The following TMPRSS15 variants were observed in gnomAD, a reference collection of about 807,000 sequenced individuals.
The protein encoded by TMPRSS15 is enteropeptidase.
In TMPRSS15, 128 loss-of-function variants were observed where a neutral mutation model predicts 125.3. The ratio of observed to expected loss-of-function variants is 1.02; its 90% CI spans 0.89 to 1.18. The LOEUF is 1.18. TMPRSS15 is among the 50% of genes most tolerant of loss of function. The pLI, the probability that TMPRSS15 is intolerant of heterozygous loss-of-function variation, is 0.00. For missense variants in TMPRSS15, 1,283 were observed against 1,212.7 expected (o/e 1.06, Z -0.86); for synonymous variants, 446 against 423.2 (o/e 1.05, Z -0.66).
At chr21:18,451,677 T>G (rs1978341658) in intron 1 of TMPRSS15, among the ~76,000 whole-genome samples, 1 of 152,214 alleles carries the variant, frequency 6.6e-6, no homozygotes, top group South Asian at 2.1e-4. Flanking sequence ...TATGCTTTTT[T>G]GGACAGCTAA....
At chr21:18,386,366 C>A (rs2075943953) in intron 3 of TMPRSS15, among the ~76,000 whole-genome samples, 1 of 152,076 alleles carries the variant, frequency 6.6e-6, no homozygotes, top group South Asian at 2.1e-4. Context: ...TTTATCAATT[C>A]TATTCTGAAC....
At chr21:18,425,001 A>C (rs2076199766) in intron 1 of TMPRSS15, among the ~76,000 whole-genome samples, 1 of 150,110 alleles carries the variant, frequency 6.7e-6, no homozygotes, top group Non-Finnish European at 1.5e-5. Context: ...GAATATATGA[A>C]TACATATGAA....
chr21:18,356,944 T>C (rs562581697), intron 8 of TMPRSS15, among the ~76,000 whole-genome samples: 24 of 151,904 alleles, frequency 1.6e-4, no homozygotes, highest in Admixed American at 5.9e-4. Flanking sequence ...AAATATATTG[T>C]CAGCAGTCCT....
At position 18,403,575 on chromosome 21, in the gene TMPRSS15, G is replaced by C; in HGVS notation, c.48C>G (p.Ser16=). ...GISSRHHSLS[S]YEIMFAALFA... ...AGAGAGCTGCAAACATGATTTCATAGGAGCTGAGAGAATGATGCCTAGAAG... is the reference window on the plus strand; with the variant it reads ...AGAGAGCTGCAAACATGATTTCATACGAGCTGAGAGAATGATGCCTAGAAG... Residue 16 remains serine, a synonymous_variant, in exon 1 of 25, where the codon TCC becomes TCG. Transcript: ENST00000284885. 3.7e-6 allele frequency: 6 copies of C among 1,614,176 alleles called. No homozygotes were observed. Among genetic ancestry groups the C allele is most frequent in the Non-Finnish European group, 5.1e-6 (6 of 1,180,010 alleles).
chr21:18,485,818 G>C (rs1408634181), exon 1 of TMPRSS15: 2 of 159,586 alleles, frequency 1.3e-5, no homozygotes, highest in Admixed American at 6.5e-5. Context: ...TGGCTGGAGA[G>C]GCCTCACAAT....
chr21:18,298,775 AC>A (rs1421539039), intron 18 of TMPRSS15, among the ~76,000 whole-genome samples: 36 of 152,164 alleles, frequency 2.4e-4, no homozygotes, highest in Admixed American at 2.2e-3. Context: ...TGATGGACCC[AC>A]CCATTGCCTC....
At chr21:18,451,144 A>G (rs1978334025) in intron 1 of TMPRSS15, among the ~76,000 whole-genome samples, 1 of 152,094 alleles carries the variant, frequency 6.6e-6, no homozygotes, top group African/African-American at 2.4e-5. Context: ...TTATTGTAAT[A>G]CAGTTCTTCA....
At chr21:18,278,790 A>G (rs2074651965) in intron 23 of TMPRSS15, among the ~76,000 whole-genome samples, 174 bp downstream of exon 23, 1 of 152,190 alleles carries the variant, frequency 6.6e-6, no homozygotes, top group Admixed American at 6.5e-5. Flanking sequence ...CTCTACAGAT[A>G]CACAACTCTA....
intron 1 of TMPRSS15, among the ~76,000 whole-genome samples, chr21:18,448,525 G>A (rs1174874736): frequency 6.6e-6 from 1 of 152,006 alleles, no homozygotes; most frequent in East Asian, 1.9e-4. Flanking sequence ...ACACTATAAA[G>A]ATGCATACCA....
intron 1 of TMPRSS15, among the ~76,000 whole-genome samples, chr21:18,480,706 G>A (rs186546219): frequency 2.0e-5 from 3 of 151,620 alleles, no homozygotes; most frequent in Non-Finnish European, 4.4e-5. Flanking sequence ...TCTAAGCAAT[G>A]GGTAGTTATC....
intron 1 of TMPRSS15, among the ~76,000 whole-genome samples, chr21:18,423,966 C>T (rs887662921): frequency 2.6e-5 from 4 of 151,928 alleles, no homozygotes; most frequent in African/African-American, 9.7e-5. Context: ...GAAGTATGAT[C>T]ACAAAGCAAA....
chr21:18,476,239 T>G (rs1224566679), intron 1 of TMPRSS15, among the ~76,000 whole-genome samples: 1 of 152,196 alleles, frequency 6.6e-6, no homozygotes, highest in Non-Finnish European at 1.5e-5. Context: ...AGAAATGATG[T>G]CCTTCTAAGT....
intron 19 of TMPRSS15, among the ~76,000 whole-genome samples, chr21:18,295,587 T>C (rs1040059101): frequency 2.0e-5 from 3 of 152,174 alleles, no homozygotes; most frequent in African/African-American, 7.2e-5. Context: ...ATCAAAGCAA[T>C]TCAGTGTTTC....
At chr21:18,434,288 A>G (rs2076223371) in intron 1 of TMPRSS15, among the ~76,000 whole-genome samples, 1 of 152,326 alleles carries the variant, frequency 6.6e-6, no homozygotes, top group Admixed American at 6.5e-5. Flanking sequence ...ACATGCACAT[A>G]TATACACACA....
At chr21:18,471,466 T>C (rs1978779068) in intron 1 of TMPRSS15, among the ~76,000 whole-genome samples, 1 of 105,058 alleles carries the variant, frequency 9.5e-6, no homozygotes, top group South Asian at 3.6e-4. Context: ...CTTCTTAATC[T>C]TTCAGTTTTG....
chr21:18,448,807 C>T (rs1328638427), intron 1 of TMPRSS15, among the ~76,000 whole-genome samples: 2 of 152,046 alleles, frequency 1.3e-5, no homozygotes, highest in African/African-American at 4.8e-5. Context: ...CTTTGATGAG[C>T]TATTATATAT....
At chr21:18,478,869 C>G (rs1978927540) in intron 1 of TMPRSS15, among the ~76,000 whole-genome samples, 1 of 151,962 alleles carries the variant, frequency 6.6e-6, no homozygotes, top group South Asian at 2.1e-4. Flanking sequence ...CCATGTTTCT[C>G]TATTTCTCTA....
intron 1 of TMPRSS15, among the ~76,000 whole-genome samples, chr21:18,434,895 GTCTT>G (rs1319673907): frequency 6.6e-6 from 1 of 152,024 alleles, no homozygotes; most frequent in African/African-American, 2.4e-5. Flanking sequence ...GACAAATTGA[GTCTT>G]TCATCTGTAC....
chr21:18,324,680 A>G (rs933394182), intron 16 of TMPRSS15, among the ~76,000 whole-genome samples: 1 of 152,138 alleles, frequency 6.6e-6, no homozygotes, highest in Admixed American at 6.6e-5. Flanking sequence ...TTTTTCTGTC[A>G]ACTAAAGTTT....
Sources: allele counts gnomAD v4.1 joint callset (sites outside exome capture counted in the v4.1 genomes callset), GRCh38; gene constraint gnomAD v4.1.1; transcripts MANE v1.5; gene names NCBI Gene and HGNC (gene_info 2026-07-23, HGNC 2026-07-21).